ZC3H14: variants seen among roughly 807,000 people sequenced by gnomAD.
ZC3H14 encodes the protein zinc finger CCCH-type containing 14.
A neutral mutation model predicts 92.4 loss-of-function variants in ZC3H14; 31 were observed. That is an observed-to-expected ratio of 0.34 (90% CI 0.25 to 0.45). The LOEUF (loss-of-function observed/expected upper bound fraction) is 0.45. Among genes scored for constraint, ZC3H14 ranks in the 20% least tolerant of loss-of-function variants. ZC3H14 has a pLI of 1.00. For synonymous variants in ZC3H14, 321 were observed against 300.9 expected, an observed-to-expected ratio of 1.07 and a Z score of -0.69; for missense variants, 781 against 897.3, an observed-to-expected ratio of 0.87 and a Z score of 1.66.
chr14:88,571,158 T>C, intron 4 of ZC3H14, 34 bp downstream of exon 4: 1 of 1,532,204 alleles, frequency 6.5e-7, no homozygotes, highest in Non-Finnish European at 8.9e-7. Context: ...TAATTTCTGC[T>C]TGCTATGGCA....
chr14:88,617,976 T>A lies in ZC3H14; in HGVS notation c.*6225T>A, dbSNP rs2088008564. 6.9e-6 allele frequency: 2 copies of A among 288,320 alleles called. No homozygotes were observed. Among genetic ancestry groups the A allele is most frequent in the Non-Finnish European group, 1.3e-5 (2 of 157,156 alleles). 17.9% of individuals were successfully genotyped at this position (288,320 alleles called of 1,614,324 possible). A position where few individuals can be genotyped will look rare whatever the true frequency, so the allele number is the denominator to read the frequency against. ...ATTAAATTTAGCATTAAGAAAAATA[T>A]CAGGGTATCTTTAAAGTTAAAACTT... On this transcript the variant is annotated 3_prime_UTR_variant, in exon 17 of 17. Transcript: ENST00000251038.
At chr14:88,576,553 C>T (rs2081182009) in intron 8 of ZC3H14, among the ~76,000 whole-genome samples, 1 of 152,168 alleles carries the variant, frequency 6.6e-6, no homozygotes, top group Non-Finnish European at 1.5e-5. Flanking sequence ...TTCTGAAATG[C>T]AAACAACTGA....
intron 8 of ZC3H14, among the ~76,000 whole-genome samples, chr14:88,577,529 C>A (rs552069982): frequency 6.6e-6 from 1 of 151,874 alleles, no homozygotes; most frequent in Non-Finnish European, 1.5e-5. Flanking sequence ...TGAATGGTAT[C>A]TATGGATTGA....
chr14:88,595,055 C>A, intron 9 of ZC3H14: 1 of 1,613,390 alleles, frequency 6.2e-7, no homozygotes, highest in South Asian at 1.1e-5. Context: ...GATACTGAAT[C>A]ACAGTCAAGA....
chr14:88,604,012 T>TCA (rs1247724042), intron 12 of ZC3H14, among the ~76,000 whole-genome samples: 1 of 152,162 alleles, frequency 6.6e-6, no homozygotes, highest in Non-Finnish European at 1.5e-5. Context: ...AATCTGACCC[T>TCA]ATCAACAGGA....
intron 12 of ZC3H14, 108 bp from the exon 13 acceptor site, chr14:88,607,135 A>G: frequency 6.5e-7 from 1 of 1,529,910 alleles, no homozygotes; most frequent in Non-Finnish European, 9.0e-7. Flanking sequence ...ATATGACTGT[A>G]CATTTAACAG....
chr14:88,585,464 A>ACTCCTTGGTTCAAGTGATTCTCCTGC (rs2082364435), intron 9 of ZC3H14, among the ~76,000 whole-genome samples: 1 of 146,282 alleles, frequency 6.8e-6, no homozygotes, highest in Non-Finnish European at 1.5e-5. Context: ...GCAACCTCCG[A>ACTCCTTGGTTCAAGTGATTCTCCTGC]CTCCTTGGTT....
intron 13 of ZC3H14, 103 bp from the exon 14 acceptor site, chr14:88,609,164 C>A: frequency 7.0e-7 from 1 of 1,420,472 alleles, no homozygotes; most frequent in Non-Finnish European, 9.7e-7. Flanking sequence ...TTTTGCATTT[C>A]TCAAAACAAG....
intron 2 of ZC3H14, among the ~76,000 whole-genome samples, chr14:88,564,161 C>G (rs1288705348): frequency 6.6e-6 from 1 of 152,112 alleles, no homozygotes; most frequent in Non-Finnish European, 1.5e-5. Context: ...TTTTAGAACT[C>G]TGATGTTGGA....
At chr14:88,583,002 C>G (rs2082083734) in intron 9 of ZC3H14, among the ~76,000 whole-genome samples, 1 of 149,568 alleles carries the variant, frequency 6.7e-6, no homozygotes, top group Admixed American at 6.6e-5. Context: ...TGCTTTTTGT[C>G]TTGCCATCAG....
chr14:88,565,871 CTTTTTCTTTT>C lies in ZC3H14; in HGVS notation c.80-2163_80-2154del, dbSNP rs548155899. 1.7e-3 allele frequency among the ~76,000 whole-genome samples: 253 copies of C among 151,470 alleles called. 2 individuals are homozygous for C. Among genetic ancestry groups the C allele is most frequent in the African/African-American group, 5.6e-3 (231 of 41,360 alleles). On this transcript the variant is annotated intron_variant, in intron 2 of 16. Coordinates refer to ENST00000251038, the MANE Select transcript of ZC3H14 (RefSeq NM_024824.5). ...AGGCCAGTCTTTGCAGTAAATTTTTCTTTTTCTTTTTTTTGAGATGGGGTCTCACTCTGTG... is the reference window on the plus strand; with the variant it reads ...AGGCCAGTCTTTGCAGTAAATTTTTCTTTTGAGATGGGGTCTCACTCTGTG...
At chr14:88,573,154 G>A (rs1349971167) in intron 6 of ZC3H14, 147 bp downstream of exon 6, 3 of 872,538 alleles carry the variant, frequency 3.4e-6, no homozygotes, top group Admixed American at 4.1e-5. Context: ...GCCGAGGCGG[G>A]TGGATCACGA....
rs545129783 is a variant in ZC3H14 at position 88,625,768 on chromosome 14, G to A, written c.*14017G>A. 6.6e-6 allele frequency: 1 copy of A among 152,126 alleles called. No individual in the cohort carries two copies. The highest frequency in any genetic ancestry group is 1.5e-5 in the Non-Finnish European group (1 of 68,044). The allele number at this position is 152,126 out of a possible 1,614,324, so 9.4% of individuals were successfully genotyped here. A position where few individuals can be genotyped will look rare whatever the true frequency, so the allele number is the denominator to read the frequency against. On this transcript the variant is annotated 3_prime_UTR_variant, in exon 17 of 17. Transcript: ENST00000251038. ...AAAATGTTCAACTGAAATTTGACAT[G>A]GCACAAACATTTCAATAGTCTTTTT... is the stretch of plus-strand genomic sequence containing the variant.
Position 88,626,854 on chromosome 14 carries a change from G to A in ZC3H14, c.*15103G>A, listed in dbSNP as rs978813099. 1 of 1,613,886 alleles carries A rather than the reference G, an allele frequency of 6.2e-7. No individual in the cohort carries two copies. Among genetic ancestry groups the A allele is most frequent in the Non-Finnish European group, 8.5e-7 (1 of 1,179,842 alleles). ...GAGACATACTGCACCAAATGCAATAGCGAGCATGGTCTGCATCCGGGCATC... is the reference window on the plus strand; with the variant it reads ...GAGACATACTGCACCAAATGCAATAACGAGCATGGTCTGCATCCGGGCATC... On this transcript the variant is annotated 3_prime_UTR_variant, in exon 17 of 17. Coordinates refer to ENST00000251038, the MANE Select transcript of ZC3H14 (RefSeq NM_024824.5).
rs2086085854 is a variant in ZC3H14 at position 88,608,978 on chromosome 14, A to G, written c.1869-289A>G. On this transcript the variant is annotated intron_variant, in intron 13 of 16. Transcript: ENST00000251038. ...TATTGTATTAATGAGTTCACTGCATAAAATATATACCTTTTTTATTAAGTG... is the reference window on the plus strand; with the variant it reads ...TATTGTATTAATGAGTTCACTGCATGAAATATATACCTTTTTTATTAAGTG... 2.5e-5 allele frequency: 10 copies of G among 405,450 alleles called. No individual in the cohort carries two copies. The East Asian group carries it at 4.9e-4, about 20-fold the overall frequency. The allele number at this position is 405,450 out of a possible 1,614,324, so 25.1% of individuals were successfully genotyped here.
rs1351043927 is a variant in ZC3H14, at chr14:88,601,785, T to C, written c.1355-139T>C. 3 of 1,029,632 alleles carry C rather than the reference T, an allele frequency of 2.9e-6. No individual in the cohort carries two copies. In the East Asian group the frequency reaches 8.2e-5, roughly 28 times the overall value. The allele number at this position is 1,029,632 out of a possible 1,614,324, so 63.8% of individuals were successfully genotyped here. A position where few individuals can be genotyped will look rare whatever the true frequency, so the allele number is the denominator to read the frequency against. ...TTTGGAATAGAATTATAGCCCTGTT[T>C]TCCTGAGTGGAACCAGTTGTGATTT... On this transcript the variant is annotated intron_variant, in intron 10 of 16. Transcript: ENST00000251038.
intron 15 of ZC3H14, 137 bp from the exon 16 acceptor site, chr14:88,610,697 G>A (rs1385521356): frequency 1.0e-5 from 8 of 803,222 alleles, no homozygotes; most frequent in African/African-American, 3.4e-5. Flanking sequence ...CCAGCTACTC[G>A]GGAGACTGAG....
intron 9 of ZC3H14, among the ~76,000 whole-genome samples, chr14:88,580,640 T>C (rs2081801624): frequency 6.6e-6 from 1 of 152,158 alleles, no homozygotes; most frequent in Non-Finnish European, 1.5e-5. Flanking sequence ...AGAAACAATA[T>C]TCAGAGGAAC....
At chr14:88,589,379 C>T (rs1399326354) in intron 9 of ZC3H14, 2 of 152,136 alleles carry the variant, frequency 1.3e-5, no homozygotes, top group Non-Finnish European at 2.9e-5. Context: ...GCCTTACATC[C>T]TTCTTGGTTT....
Sources: gnomAD v4.1 joint callset for allele counts (sites outside exome capture counted in the v4.1 genomes callset) on GRCh38, gnomAD v4.1.1 for gene constraint, MANE v1.5 for transcripts, NCBI Gene and HGNC (gene_info 2026-07-23, HGNC 2026-07-21) for gene names.